The following LAMP5 variants were observed in gnomAD, a reference collection of about 807,000 sequenced individuals.
The protein encoded by LAMP5 is lysosome associated membrane protein 5.
In LAMP5, 36 loss-of-function variants were observed where a neutral mutation model predicts 30.2. That is an observed-to-expected ratio of 1.19 (90% CI 0.91 to 1.57). The LOEUF is 1.57. Among genes scored for constraint, LAMP5 ranks in the 40% most tolerant of loss-of-function variants. The pLI, the probability that LAMP5 is intolerant of heterozygous loss-of-function variation, is 0.00. For missense variants in LAMP5, 377 were observed against 354.9 expected, an observed-to-expected ratio of 1.06 and a Z score of -0.50; for synonymous variants, 149 against 134.6, an observed-to-expected ratio of 1.11 and a Z score of -0.74.
chr20:9,526,868 A>ATATG lies in LAMP5; in HGVS notation c.665-2771_665-2770insGTAT, dbSNP rs1225227554. The stretch of plus-strand genomic sequence containing the variant: ...TACATATGTGTGTGTGTGTATATAT[A>ATATG]TATATATATATATATATATATATAT... On this transcript the variant is annotated intron_variant, in intron 5 of 5. Coordinates refer to ENST00000246070, the MANE Select transcript of LAMP5 (RefSeq NM_012261.4). Among the ~76,000 whole-genome samples the ATATG allele has an allele frequency of 6.3e-5, 5 of 79,030 alleles. No homozygotes were observed. The East Asian group carries it at 2.3e-3, about 37-fold the overall frequency. 51.8% of individuals were successfully genotyped at this position (79,030 alleles called of 152,430 possible). A position where few individuals can be genotyped will look rare whatever the true frequency, so the allele number is the denominator to read the frequency against.
Position 9,514,856 on chromosome 20 carries a change from G to C in LAMP5, c.4G>C (p.Asp2His), listed in dbSNP as rs780512894. The C allele has an allele frequency of 6.2e-7, 1 of 1,614,036 alleles. No individual in the cohort carries two copies. Among genetic ancestry groups the C allele is most frequent in the Non-Finnish European group, 8.5e-7 (1 of 1,180,016 alleles). Residue 2 changes from aspartate to histidine, a missense_variant, in exon 1 of 6, where the codon GAT (aspartate) becomes CAT (histidine). Asp to His is a moderately conservative substitution (Grantham distance 81). Transcript: ENST00000246070. Reference protein sequence around the residue: MDLQGRGVPSID... With the variant: MHLQGRGVPSID... ...CCTCATTCGGGGCACTGCGAGTATG[G>C]ATCTCCAAGGAAGAGGGGTCCCCAG...
At chr20:9,517,083 G>C (rs1475100479) in intron 4 of LAMP5, among the ~76,000 whole-genome samples, 1 of 152,100 alleles carries the variant, frequency 6.6e-6, no homozygotes, top group Admixed American at 6.5e-5. Context: ...ACCTGAGTTG[G>C]GAAAGGATTT....
intron 5 of LAMP5, among the ~76,000 whole-genome samples, chr20:9,521,531 A>T (rs1383162896): frequency 6.6e-6 from 1 of 152,232 alleles, no homozygotes; most frequent in Non-Finnish European, 1.5e-5. Context: ...GCCAATACAC[A>T]GAGGCCATCT....
chr20:9,515,627 T>G lies in LAMP5; in HGVS notation c.237+2T>G. ...GTGTGGGCCAGCAACTACGTAGATG[T>G]AAGGAATCTTTCCCCCCCCTCAGCT... On this transcript the variant is annotated splice_donor_variant, in intron 2 of 5. Coordinates refer to ENST00000246070, the MANE Select transcript of LAMP5 (RefSeq NM_012261.4). LOFTEE classifies it high-confidence loss of function. The G allele has an allele frequency of 1.9e-6, 3 of 1,607,854 alleles. No individual in the cohort carries two copies. Among genetic ancestry groups the G allele is most frequent in the Non-Finnish European group, 2.5e-6 (3 of 1,177,972 alleles).
rs184364713 is a variant in LAMP5 at position 9,514,631 on chromosome 20, C to T, written c.-222C>T. ...TCGCAGCCGTGGACCGCCGTGCGGTCCTTTCCTCCGCAGTGAGCCGATTTG... is the reference window on the plus strand; with the variant it reads ...TCGCAGCCGTGGACCGCCGTGCGGTTCTTTCCTCCGCAGTGAGCCGATTTG... On this transcript the variant is annotated 5_prime_UTR_variant, in exon 1 of 6. Coordinates refer to ENST00000246070, the MANE Select transcript of LAMP5 (RefSeq NM_012261.4). 1.7e-4 allele frequency: 75 copies of T among 450,990 alleles called. 1 individual carries two copies. Among genetic ancestry groups the T allele is most frequent in the African/African-American group, 1.2e-3 (61 of 48,946 alleles). 27.9% of individuals were successfully genotyped at this position (450,990 alleles called of 1,614,324 possible).
rs1252255842 is a variant in LAMP5, at chr20:9,516,110, A to C, written c.348A>C (p.Ala116=). The change falls in exon 3 of 6, where the codon GCA becomes GCC. Residue 116 remains alanine, a synonymous_variant. Transcript: ENST00000246070. ...LQVFWVDRAY[A]LKMLFVKESH... ...TGTTCTGGGTGGATCGCGCATATGCACTCAAAATGCTCTTTGTAAAGGTAA... is the reference window on the plus strand; with the variant it reads ...TGTTCTGGGTGGATCGCGCATATGCCCTCAAAATGCTCTTTGTAAAGGTAA... 3.2e-6 allele frequency: 5 copies of C among 1,551,542 alleles called. No homozygotes were observed. Among genetic ancestry groups the C allele is most frequent in the Non-Finnish European group, 4.3e-6 (5 of 1,153,432 alleles).
chr20:9,514,621 G>A lies in LAMP5; in HGVS notation c.-232G>A. The A allele has an allele frequency of 2.6e-6, 1 of 379,306 alleles. No homozygotes were observed. The highest frequency in any genetic ancestry group is 5.0e-6 in the Non-Finnish European group (1 of 200,506). The allele number at this position is 379,306 out of a possible 1,614,324, so 23.5% of individuals were successfully genotyped here. A position where few individuals can be genotyped will look rare whatever the true frequency, so the allele number is the denominator to read the frequency against. On this transcript the variant is annotated 5_prime_UTR_variant, in exon 1 of 6. Coordinates refer to ENST00000246070, the MANE Select transcript of LAMP5 (RefSeq NM_012261.4). ...CTTTCAGCACTCGCAGCCGTGGACC[G>A]CCGTGCGGTCCTTTCCTCCGCAGTG...
At chr20:9,521,772 C>A (rs2122839154) in intron 5 of LAMP5, among the ~76,000 whole-genome samples, 1 of 152,266 alleles carries the variant, frequency 6.6e-6, no homozygotes, top group East Asian at 1.9e-4. Flanking sequence ...GGGAACAAAC[C>A]AGTCTGAGTA....
At position 9,515,303 on chromosome 20, in the gene LAMP5, C is replaced by T. The variant is rs576594300; in HGVS notation, c.65-150C>T. 26 of 645,134 alleles carry T rather than the reference C, an allele frequency of 4.0e-5. No individual in the cohort carries two copies. In the South Asian group the frequency reaches 6.0e-4, roughly 15 times the overall value. The allele number at this position is 645,134 out of a possible 1,614,324, so 40.0% of individuals were successfully genotyped here. A position where few individuals can be genotyped will look rare whatever the true frequency, so the allele number is the denominator to read the frequency against. On this transcript the variant is annotated intron_variant, in intron 1 of 5. Transcript: ENST00000246070. ...CAGCGAAGGAATGAGGCTTGTTAGA[C>T]CCGGGTTAGAGAAACGGCTCGTAGA...
Position 9,515,372 on chromosome 20 carries a change from A to G in LAMP5, c.65-81A>G, listed in dbSNP as rs1190707227. 4.4e-6 allele frequency: 6 copies of G among 1,355,314 alleles called. No homozygotes were observed. The East Asian group carries it at 1.2e-4, about 26-fold the overall frequency. The allele number at this position is 1,355,314 out of a possible 1,614,324, so 84.0% of individuals were successfully genotyped here. On this transcript the variant is annotated intron_variant, in intron 1 of 5. Transcript: ENST00000246070. ...AGAACTTTGTCACTCCAAAGCCTGC[A>G]GAGCACTGTCTCCCCACCCTAGCGC...
intron 5 of LAMP5, among the ~76,000 whole-genome samples, chr20:9,525,472 G>T (rs1033599795): frequency 2.0e-4 from 31 of 152,046 alleles, no homozygotes; most frequent in African/African-American, 7.5e-4. Flanking sequence ...ATTCACCCAG[G>T]GTTGGACAGT....
rs1034503478 is a variant in LAMP5 at position 9,517,911 on chromosome 20, G to T, written c.476-129G>T. 9 of 719,700 alleles carry T rather than the reference G, an allele frequency of 1.3e-5. No homozygotes were observed. In the Admixed American group the frequency reaches 1.9e-4, roughly 15 times the overall value. The allele number at this position is 719,700 out of a possible 1,614,324, so 44.6% of individuals were successfully genotyped here. The stretch of plus-strand genomic sequence containing the variant: ...ACTTGATGCCATTTGTAGAGCCCTA[G>T]CCCTGGCAAGGGAACAGAGAGGACA... On this transcript the variant is annotated intron_variant, in intron 4 of 5. Transcript: ENST00000246070.
intron 5 of LAMP5, among the ~76,000 whole-genome samples, chr20:9,522,704 C>T (rs921562678): frequency 6.6e-6 from 1 of 152,172 alleles, no homozygotes; most frequent in Non-Finnish European, 1.5e-5. Flanking sequence ...CACTGATGGT[C>T]GCTGTGGAAG....
chr20:9,515,099 G>C, intron 1 of LAMP5, 183 bp downstream of exon 1: 1 of 649,376 alleles, frequency 1.5e-6, no homozygotes, highest in East Asian at 2.7e-5. Flanking sequence ...GAATTCCCCT[G>C]AGAGCCATAC....
In LAMP5 at chr20:9,518,246, G is replaced by A. The variant is rs926309614; in HGVS notation, c.664+18G>A. 6.2e-7 allele frequency: 1 copy of A among 1,611,272 alleles called. No homozygotes were observed. Among genetic ancestry groups the A allele is most frequent in the African/African-American group, 1.3e-5 (1 of 74,894 alleles). The stretch of plus-strand genomic sequence containing the variant: ...CAGTGAAGGTAAGTTGTTGGGGGAT[G>A]GAGGGGAAGAAGACCTAGTTTATTT... On this transcript the variant is annotated intron_variant, in intron 5 of 5. Transcript: ENST00000246070.
In LAMP5 at chr20:9,515,465, A is replaced by G. The variant is rs767821171; in HGVS notation, c.77A>G (p.Gln26Arg). 1 of 1,613,900 alleles carries G rather than the reference A, an allele frequency of 6.2e-7. No homozygotes were observed. Among genetic ancestry groups the G allele is most frequent in the East Asian group, 2.2e-5 (1 of 44,862 alleles). ...GTTTGTTCCGCAGATACAATGGCTCAAATCATGGCAGAACAAGAAGTGGAA... is the reference window on the plus strand; with the variant it reads ...GTTTGTTCCGCAGATACAATGGCTCGAATCATGGCAGAACAAGAAGTGGAA... ...VLLMLFHTMA[Q>R]IMAEQEVENL... is the part of the protein sequence containing the mutation. The change falls in exon 2 of 6, where the codon CAA becomes CGA. Residue 26 changes from glutamine (Q) to arginine (R), a missense_variant. Transcript: ENST00000246070.
Position 9,518,248 on chromosome 20 carries a change from A to T in LAMP5, c.664+20A>T, listed in dbSNP as rs1973829593. ...GTGAAGGTAAGTTGTTGGGGGATGG[A>T]GGGGAAGAAGACCTAGTTTATTTCA... On this transcript the variant is annotated intron_variant, in intron 5 of 5. Transcript: ENST00000246070. The T allele has an allele frequency of 6.2e-7, 1 of 1,609,236 alleles. No homozygotes were observed. The highest frequency in any genetic ancestry group is 1.7e-5 in the Admixed American group (1 of 59,956).
Position 9,516,061 on chromosome 20 carries a change from G to A in LAMP5, c.299G>A (p.Gly100Asp), listed in dbSNP as rs758376086. The change falls in exon 3 of 6, where the codon GGC becomes GAC. Residue 100 changes from glycine to aspartate, a missense_variant. Physicochemically the swap from Gly to Asp is moderately conservative, Grantham distance 94. Transcript: ENST00000246070. ...GGAGCTGAGGTGAAGGGCCGCTGTG[G>A]CCACAGCCAGTCGGAGCTGCAAGTG... is the stretch of plus-strand genomic sequence containing the variant. ...TRGAEVKGRC[G>D]HSQSELQVFW... 2 of 1,545,170 alleles carry A rather than the reference G, an allele frequency of 1.3e-6. No homozygotes were observed.
chr20:9,516,898 C>T (rs1241592345), intron 4 of LAMP5, among the ~76,000 whole-genome samples: 1 of 152,128 alleles, frequency 6.6e-6, no homozygotes, highest in Non-Finnish European at 1.5e-5. Flanking sequence ...AATTTACTAG[C>T]GTTTCTGGCC....
Sources: allele counts gnomAD v4.1 joint callset (sites outside exome capture counted in the v4.1 genomes callset), GRCh38; gene constraint gnomAD v4.1.1; transcripts MANE v1.5; gene names NCBI Gene and HGNC (gene_info 2026-07-23, HGNC 2026-07-21).